Variants in ADAMTS16 observed in about 807,000 individuals in gnomAD.
The protein encoded by ADAMTS16 is ADAM metallopeptidase with thrombospondin type 1 motif 16.
In ADAMTS16, 94 loss-of-function variants were observed where a neutral mutation model predicts 145.8. The ratio of observed to expected loss-of-function variants is 0.64; its 90% CI spans 0.55 to 0.77. The LOEUF (loss-of-function observed/expected upper bound fraction) is 0.77, where lower values mean the gene tolerates loss of function less well. Ranked by LOEUF, ADAMTS16 falls within the 30% of genes least tolerant of loss-of-function variation. The pLI is 0.00. For synonymous variants in ADAMTS16, 659 were observed against 604.3 expected (o/e 1.09, Z -1.33); for missense variants, 1,585 against 1,591.5 (o/e 1.00, Z 0.07).
At chr5:5,263,802 G>C (rs534263619) in intron 18 of ADAMTS16, among the ~76,000 whole-genome samples, 2 of 152,182 alleles carry the variant, frequency 1.3e-5, no homozygotes, top group Non-Finnish European at 2.9e-5. Context: ...ACCCTGTAGT[G>C]GGGGGCAGCT....
In ADAMTS16 at chr5:5,303,333, T is replaced by G. The variant is rs1420698025; in HGVS notation, c.2855T>G (p.Val952Gly). 1.2e-6 allele frequency: 2 copies of G among 1,606,786 alleles called. No individual in the cohort carries two copies. The highest frequency in any genetic ancestry group is 1.7e-6 in the Non-Finnish European group (2 of 1,177,366). ...TCGGGAQSRP[V>G]QCTRRVHYDS... ...GGCGGGGGTGCCCAGAGCCGCCCCG[T>G]GCAGTGCACACGGCGGGTGCACTAT... The change falls in exon 19 of 23, where the codon GTG becomes GGG. Residue 952 changes from valine to glycine, a missense_variant. Physicochemically the swap from Val to Gly is moderately radical, Grantham distance 109 (BLOSUM62 -3). Around this residue, in one of 3 missense-constraint regions of ADAMTS16, gnomAD observed 834 missense variants for 811.7 expected, o/e 1.03. Transcript: ENST00000274181.
intron 7 of ADAMTS16, among the ~76,000 whole-genome samples, chr5:5,190,763 T>C (rs912310721): frequency 1.3e-5 from 2 of 152,190 alleles, no homozygotes; most frequent in African/African-American, 4.8e-5. Context: ...TTAGTCTTAT[T>C]GTGCAAAAGC....
intron 16 of ADAMTS16, among the ~76,000 whole-genome samples, chr5:5,241,421 A>T (rs1737288167): frequency 6.6e-6 from 1 of 152,192 alleles, no homozygotes; most frequent in Non-Finnish European, 1.5e-5. Context: ...TTTCCTGCGG[A>T]CTTAATGGGT....
intron 17 of ADAMTS16, among the ~76,000 whole-genome samples, chr5:5,251,965 C>T (rs190078594): frequency 4.6e-5 from 7 of 152,128 alleles, no homozygotes; most frequent in African/African-American, 9.7e-5. Context: ...ATTCTCCTGC[C>T]GCAGCCTCCC....
intron 3 of ADAMTS16, among the ~76,000 whole-genome samples, chr5:5,168,695 AATAT>A (rs1456513819): frequency 7.5e-6 from 1 of 132,762 alleles, no homozygotes; most frequent in Non-Finnish European, 1.6e-5. Context: ...TAATTATATA[AATAT>A]AATATATAAT....
intron 3 of ADAMTS16, among the ~76,000 whole-genome samples, chr5:5,166,903 G>A (rs532666320): frequency 4.3e-4 from 65 of 152,234 alleles, no homozygotes; most frequent in African/African-American, 1.5e-3. Flanking sequence ...TCTTCCCTCC[G>A]CTGGGCCCAC....
chr5:5,295,337 C>T (rs1037370983), intron 18 of ADAMTS16, among the ~76,000 whole-genome samples: 5 of 152,198 alleles, frequency 3.3e-5, no homozygotes, highest in African/African-American at 1.2e-4. Flanking sequence ...TGAGTTATTC[C>T]AAAGATTTAA....
At chr5:5,305,361 A>G (rs1204906510) in intron 20 of ADAMTS16, among the ~76,000 whole-genome samples, 2 of 130,158 alleles carry the variant, frequency 1.5e-5, no homozygotes, top group African/African-American at 5.9e-5. Context: ...CACACCACAC[A>G]CACATCCCAC....
Position 5,232,433 on chromosome 5 carries a change from G to A in ADAMTS16, c.1767G>A (p.Trp589Ter), listed in dbSNP as rs764803662. The A allele has an allele frequency of 3.1e-6, 5 of 1,613,976 alleles. No homozygotes were observed. Among genetic ancestry groups the A allele is most frequent in the Non-Finnish European group, 3.4e-6 (4 of 1,180,004 alleles). Residue 589 changes from tryptophan (W) to a stop codon, truncating the protein, a stop_gained, in exon 12 of 23, where the codon TGG becomes TGA. Coordinates refer to ENST00000274181, the MANE Select transcript of ADAMTS16 (RefSeq NM_139056.4). LOFTEE classifies it high-confidence loss of function. ...DEGPKPTHGH[W>*]SDWSSWSPCS... ...GCCCCAAGCCCACCCATGGCCACTG[G>A]TCGGACTGGTCTTCTTGGTCCCCAT...
chr5:5,303,181 G>A (rs1163494950), intron 18 of ADAMTS16, 87 bp from the exon 19 acceptor site: 111 of 1,356,812 alleles, frequency 8.2e-5, no homozygotes, highest in South Asian at 1.7e-4. Flanking sequence ...CTGGGAAATC[G>A]CGCCGCTGCC....
chr5:5,207,988 T>G (rs988909362), intron 9 of ADAMTS16, among the ~76,000 whole-genome samples: 1 of 152,216 alleles, frequency 6.6e-6, no homozygotes, highest in African/African-American at 2.4e-5. Context: ...CTTTCTTTTC[T>G]TGTACTATGT....
At chr5:5,210,830 A>T (rs1736255251) in intron 10 of ADAMTS16, among the ~76,000 whole-genome samples, 1 of 152,130 alleles carries the variant, frequency 6.6e-6, no homozygotes, top group South Asian at 2.1e-4. Flanking sequence ...TGATATAGTT[A>T]TATTGTTTCC....
At chr5:5,253,329 T>A (rs1737684187) in intron 17 of ADAMTS16, among the ~76,000 whole-genome samples, 1 of 152,192 alleles carries the variant, frequency 6.6e-6, no homozygotes, top group Admixed American at 6.5e-5. Context: ...CAACTCAGAG[T>A]GGGAGCTTCC....
intron 4 of ADAMTS16, among the ~76,000 whole-genome samples, chr5:5,183,182 A>C (rs1735389446): frequency 6.6e-6 from 1 of 152,226 alleles, no homozygotes; most frequent in South Asian, 2.1e-4. Context: ...CATGTGCTGC[A>C]TTCAGATGAC....
At position 5,173,543 on chromosome 5, in the gene ADAMTS16, G is replaced by A. The variant is rs533778839; in HGVS notation, c.502-8501G>A. On this transcript the variant is annotated intron_variant, in intron 3 of 22. Coordinates refer to ENST00000274181, the MANE Select transcript of ADAMTS16 (RefSeq NM_139056.4). ...GGCTCGAGTGCAGTGGCGTGATCTC[G>A]GCTCACTGCAAGCTCTGCCTCCCAG... Among the ~76,000 whole-genome samples, 11 of 151,424 alleles carry A rather than the reference G, an allele frequency of 7.3e-5. No individual in the cohort carries two copies. In the South Asian group the frequency reaches 2.3e-3, roughly 32 times the overall value.
intron 17 of ADAMTS16, among the ~76,000 whole-genome samples, chr5:5,252,233 C>T (rs955092443): frequency 6.6e-6 from 1 of 152,174 alleles, no homozygotes; most frequent in African/African-American, 2.4e-5. Context: ...GGACTTCTCT[C>T]CAAACACATC....
intron 13 of ADAMTS16, 85 bp downstream of exon 13, chr5:5,235,271 C>A (rs2126376694): frequency 7.6e-7 from 1 of 1,318,026 alleles, no homozygotes; most frequent in Non-Finnish European, 9.9e-7. Flanking sequence ...GAGTGTGGTG[C>A]ACAAATAAAC....
At chr5:5,302,058 T>C (rs1304820897) in intron 18 of ADAMTS16, among the ~76,000 whole-genome samples, 1 of 152,210 alleles carries the variant, frequency 6.6e-6, no homozygotes, top group African/African-American at 2.4e-5. Flanking sequence ...CAAGCCCTCC[T>C]GCCCAGTGAG....
intron 9 of ADAMTS16, among the ~76,000 whole-genome samples, chr5:5,203,415 T>A (rs1736010523): frequency 6.6e-6 from 1 of 152,232 alleles, no homozygotes; most frequent in Non-Finnish European, 1.5e-5. Context: ...TCTTTGGATA[T>A]GATCCCAACA....
Sources: allele counts gnomAD v4.1 joint callset (sites outside exome capture counted in the v4.1 genomes callset), GRCh38; gene constraint gnomAD v4.1.1; regional missense constraint gnomAD v4.1.1; transcripts MANE v1.5; gene names NCBI Gene and HGNC (gene_info 2026-07-23, HGNC 2026-07-21).